SLC12A7: variants seen among roughly 807,000 people sequenced by gnomAD.
SLC12A7 encodes the protein K-Cl cotransporter 4.
In SLC12A7, 100 loss-of-function variants were observed where a neutral mutation model predicts 120.6. The observed-to-expected ratio is 0.83, with a 90% CI of 0.71 to 0.98. The LOEUF (loss-of-function observed/expected upper bound fraction) is 0.98. Ranked by LOEUF, SLC12A7 falls within the 50% of genes least tolerant of loss-of-function variation. The pLI, the probability that SLC12A7 is intolerant of heterozygous loss-of-function variation, is 0.00. For missense variants in SLC12A7, 1,373 were observed against 1,548.1 expected, an observed-to-expected ratio of 0.89 and a Z score of 1.90; for synonymous variants, 760 against 678.0, an observed-to-expected ratio of 1.12 and a Z score of -1.88.
At chr5:1,085,155 G>A in intron 7 of SLC12A7, 77 bp downstream of exon 7, 1 of 1,561,482 alleles carries the variant, frequency 6.4e-7, no homozygotes, top group African/African-American at 1.4e-5. Context: ...AAGGATGATG[G>A]ACGAGAGGCG....
chr5:1,142,447 C>CAT, the SLC12A7 span, among the ~76,000 whole-genome samples: 1 of 47,446 alleles, frequency 2.1e-5, no homozygotes, highest in Admixed American at 1.7e-4. Context: ...TGTCCCCTCC[C>CAT]CTCTCTGCCC....
chr5:1,066,239 G>A (rs1579336718), intron 17 of SLC12A7, among the ~76,000 whole-genome samples: 2 of 152,190 alleles, frequency 1.3e-5, no homozygotes, highest in African/African-American at 4.8e-5. Context: ...CTCCTGGCTT[G>A]TCCCCTGCTG....
chr5:1,140,122 G>A, the SLC12A7 span, among the ~76,000 whole-genome samples: 1 of 152,200 alleles, frequency 6.6e-6, no homozygotes, highest in Non-Finnish European at 1.5e-5. Flanking sequence ...CAGAGGCGCC[G>A]TCCTGCCCTC....
chr5:1,097,486 G>A (rs748036957), intron 1 of SLC12A7, among the ~76,000 whole-genome samples: 3 of 152,188 alleles, frequency 2.0e-5, no homozygotes, highest in Non-Finnish European at 2.9e-5. Context: ...TTAATATCGA[G>A]AAATTCATTA....
rs889938718 is a variant in SLC12A7, at chr5:1,076,724, G to A, written c.1718C>T (p.Ser573Phe). The A allele has an allele frequency of 6.2e-7, 1 of 1,611,502 alleles. No individual in the cohort carries two copies. The highest frequency in any genetic ancestry group is 8.5e-7 in the Non-Finnish European group (1 of 1,179,924). The change falls in exon 13 of 24, where the codon TCT becomes TTT. Residue 573 changes from serine to phenylalanine, a missense_variant. Coordinates refer to ENST00000264930, the MANE Select transcript of SLC12A7 (RefSeq NM_006598.3). Reference protein sequence around the residue: ...LICETGILIASLDSVAPILSM... With the variant: ...LICETGILIAFLDSVAPILSM... ...GAGGATCGGGGCCACGCTGTCCAGA[G>A]AGGCGATGAGGATGCCAGTCTCGCA...
chr5:1,078,786 T>A (rs1293780003), intron 10 of SLC12A7, 28 bp from the exon 11 acceptor site: 4 of 1,269,808 alleles, frequency 3.2e-6, no homozygotes, highest in Non-Finnish European at 4.2e-6. Context: ...GAAAGGCAGG[T>A]CCGTGGGTGC....
chr5:1,091,435 G>A (rs1561088780), intron 3 of SLC12A7, among the ~76,000 whole-genome samples: 1 of 152,192 alleles, frequency 6.6e-6, no homozygotes, highest in East Asian at 1.9e-4. Flanking sequence ...CCTGTTCCCG[G>A]AGCACTCGGA....
intron 1 of SLC12A7, among the ~76,000 whole-genome samples, chr5:1,096,757 G>GA (rs1561097990): frequency 7.1e-5 from 1 of 14,080 alleles, no homozygotes; most frequent in African/African-American, 2.9e-4. Context: ...AGGAAGGAGG[G>GA]AGGAAGGAAA....
chr5:1,057,388 G>A (rs895269138), intron 22 of SLC12A7, 83 bp downstream of exon 22: 2 of 1,405,104 alleles, frequency 1.4e-6, no homozygotes, highest in African/African-American at 2.9e-5. Flanking sequence ...GCTCTTCAGT[G>A]GTCAGGGAAG....
rs1334603125 is a variant in SLC12A7, at chr5:1,070,972, CG to C, written c.2241+2660del. Among the ~76,000 whole-genome samples the C allele has an allele frequency of 1.4e-3, 2 of 1,464 alleles. 1 individual carries two copies. The highest frequency in any genetic ancestry group is 8.4e-3 in the African/African-American group (2 of 238). The allele number at this position is 1,464 out of a possible 152,430, so 1.0% of individuals were successfully genotyped here. The stretch of plus-strand genomic sequence containing the variant: ...CAGCCCCCAGTGAGCCCCCAGCACA[CG>C]GGTATCACACTTATGCAGCCCCCAG... On this transcript the variant is annotated intron_variant, in intron 17 of 23. Transcript: ENST00000264930.
At chr5:1,150,543 G>T in the SLC12A7 span, among the ~76,000 whole-genome samples, 1 of 152,234 alleles carries the variant, frequency 6.6e-6, no homozygotes, top group Non-Finnish European at 1.5e-5. Flanking sequence ...CATGGAGCTG[G>T]TGTCTCAAAA....
At chr5:1,087,448 A>G (rs1179500344) in intron 5 of SLC12A7, among the ~76,000 whole-genome samples, 1 of 152,286 alleles carries the variant, frequency 6.6e-6, no homozygotes, top group African/African-American at 2.4e-5. Context: ...CACGCACGCT[A>G]TCACTGGCGG....
intron 7 of SLC12A7, among the ~76,000 whole-genome samples, chr5:1,084,738 G>T (rs34597478): frequency 6.6e-6 from 1 of 152,114 alleles, no homozygotes; most frequent in South Asian, 2.1e-4. Flanking sequence ...GGAGCCTCAA[G>T]GGGCTTGGCT....
intron 1 of SLC12A7, among the ~76,000 whole-genome samples, chr5:1,108,491 G>A (rs1374768865): frequency 6.6e-6 from 1 of 152,212 alleles, no homozygotes; most frequent in Non-Finnish European, 1.5e-5. Flanking sequence ...CAGCCGCGGG[G>A]TCAACAGCCT....
intron 3 of SLC12A7, among the ~76,000 whole-genome samples, chr5:1,091,965 C>G (rs1740574879): frequency 6.6e-6 from 1 of 152,202 alleles, no homozygotes; most frequent in South Asian, 2.1e-4. Context: ...AAGGACCCAG[C>G]AGGGGAACCA....
chr5:1,057,861 C>A (rs2150781158), intron 21 of SLC12A7, among the ~76,000 whole-genome samples: 1 of 152,306 alleles, frequency 6.6e-6, no homozygotes. Flanking sequence ...AACGCTCACC[C>A]CCTCACCTTC....
intron 7 of SLC12A7, among the ~76,000 whole-genome samples, chr5:1,084,854 C>T (rs1214253882): frequency 6.6e-6 from 1 of 152,146 alleles, no homozygotes; most frequent in Admixed American, 6.5e-5. Context: ...AAGAAAAGAG[C>T]CCCTCCAAGC....
rs1311484171 is a variant in SLC12A7, at chr5:1,096,686, AG to A, written c.125-2439del. On this transcript the variant is annotated intron_variant, in intron 1 of 23. Coordinates refer to ENST00000264930, the MANE Select transcript of SLC12A7 (RefSeq NM_006598.3). ...GAGGGAGGGAAGGAAGAAAGGAGGG[AG>A]GGGGGAAGGGAGGGAAGGAAGGAGG... Among the ~76,000 whole-genome samples, 619 of 75,582 alleles carry A rather than the reference AG, an allele frequency of 8.2e-3. 7 individuals are homozygous for A. The highest frequency in any genetic ancestry group is 0.024 in the South Asian group (48 of 1,980). The allele number at this position is 75,582 out of a possible 152,430, so 49.6% of individuals were successfully genotyped here. A position where few individuals can be genotyped will look rare whatever the true frequency, so the allele number is the denominator to read the frequency against.
At chr5:1,148,541 T>C in the SLC12A7 span, among the ~76,000 whole-genome samples, 2 of 152,232 alleles carry the variant, frequency 1.3e-5, no homozygotes. Flanking sequence ...AATATTCCAC[T>C]ACATGTACTA....
Sources: gnomAD v4.1 joint callset for allele counts (sites outside exome capture counted in the v4.1 genomes callset) on GRCh38, gnomAD v4.1.1 for gene constraint, MANE v1.5 for transcripts, NCBI Gene and HGNC (gene_info 2026-07-23, HGNC 2026-07-21) for gene names.